DOCK4: variants seen among roughly 807,000 people sequenced by gnomAD.
The protein encoded by DOCK4 is dedicator of cytokinesis protein 4.
A neutral mutation model predicts 268.1 loss-of-function variants in DOCK4; 97 were observed. That is an observed-to-expected ratio of 0.36 (90% CI 0.31 to 0.43). DOCK4 has a LOEUF of 0.43. DOCK4 is among the 20% of genes least tolerant of loss of function. The probability of loss-of-function intolerance (pLI) is 1.00; values close to 1 mark genes in which losing one functional copy is unlikely to be tolerated. For synonymous variants in DOCK4, 954 were observed against 887.2 expected (o/e 1.08, Z -1.34); for missense variants, 2,145 against 2,455.7 (o/e 0.87, Z 2.67).
At chr7:112,077,574 A>G (rs1808187702) in intron 1 of DOCK4, among the ~76,000 whole-genome samples, 1 of 152,158 alleles carries the variant, frequency 6.6e-6, no homozygotes, top group Non-Finnish European at 1.5e-5. Context: ...ACGCATTCCA[A>G]AGTGAGTTGT....
intron 1 of DOCK4, among the ~76,000 whole-genome samples, chr7:112,121,125 C>A (rs28687319): frequency 0.028 from 4,336 of 152,244 alleles, 162 homozygotes; most frequent in East Asian, 0.2. Context: ...TATGTTATAT[C>A]CTCATGATAA....
At chr7:111,829,430 G>T (rs1292134284) in intron 26 of DOCK4, among the ~76,000 whole-genome samples, 1 of 152,156 alleles carries the variant, frequency 6.6e-6, no homozygotes, top group Non-Finnish European at 1.5e-5. Context: ...GGCAGGGAGA[G>T]GATGAAATGT....
At chr7:111,888,969 C>T (rs1309104580) in intron 16 of DOCK4, among the ~76,000 whole-genome samples, 1 of 151,928 alleles carries the variant, frequency 6.6e-6, no homozygotes, top group Non-Finnish European at 1.5e-5. Context: ...TACAGGAAGC[C>T]CTCTCAGCAG....
At chr7:112,162,721 T>C (rs1421040367) in intron 1 of DOCK4, among the ~76,000 whole-genome samples, 1 of 152,180 alleles carries the variant, frequency 6.6e-6, no homozygotes, top group Non-Finnish European at 1.5e-5. Flanking sequence ...TCACACAATG[T>C]ACAAAGTTCA....
intron 12 of DOCK4, among the ~76,000 whole-genome samples, chr7:111,933,313 T>TTTG (rs1562905619): frequency 4.3e-5 from 6 of 139,778 alleles, no homozygotes; most frequent in Admixed American, 2.9e-4. Flanking sequence ...TTTTTTTTTT[T>TTTG]GAGATGGAGT....
At chr7:112,175,815 C>A (rs1034089232) in intron 1 of DOCK4, among the ~76,000 whole-genome samples, 1 of 128,336 alleles carries the variant, frequency 7.8e-6, no homozygotes, top group Non-Finnish European at 1.5e-5. Flanking sequence ...TGCCCCCATC[C>A]CCTTTTTAAT....
intron 35 of DOCK4, 65 bp downstream of exon 35, chr7:111,782,799 A>T (rs1189944594): frequency 1.4e-5 from 20 of 1,471,150 alleles, no homozygotes; most frequent in Non-Finnish European, 1.8e-5. Flanking sequence ...AACAAAACAT[A>T]GTATTTCTGG....
chr7:111,986,193 G>A (rs1449774097), intron 6 of DOCK4, among the ~76,000 whole-genome samples: 1 of 152,148 alleles, frequency 6.6e-6, no homozygotes, highest in Non-Finnish European at 1.5e-5. Context: ...TTAGACATTG[G>A]CTGTCAATAA....
chr7:111,974,672 A>G (rs1216910047), intron 8 of DOCK4, among the ~76,000 whole-genome samples: 1 of 151,862 alleles, frequency 6.6e-6, no homozygotes, highest in Non-Finnish European at 1.5e-5. Flanking sequence ...GTAGGCAGGC[A>G]TGGCAGCCCA....
rs543634031 is a variant in DOCK4 at position 111,952,445 on chromosome 7, G to A, written c.702-6647C>T. 4.2e-4 allele frequency among the ~76,000 whole-genome samples: 64 copies of A among 152,106 alleles called. 1 individual carries two copies. Among genetic ancestry groups the A allele is most frequent in the African/African-American group, 1.4e-3 (60 of 41,470 alleles). On this transcript the variant is annotated intron_variant, in intron 8 of 52. Transcript: ENST00000428084. ...TAGAAGTAACCCTTCAGTTGGGAAG[G>A]CCAATATCAAAAATTTTGACATTTT...
At chr7:112,035,014 C>G (rs573365401) in intron 1 of DOCK4, among the ~76,000 whole-genome samples, 2 of 152,158 alleles carry the variant, frequency 1.3e-5, no homozygotes, top group Non-Finnish European at 2.9e-5. Flanking sequence ...ACTTTGCATG[C>G]TTCATCTAGG....
At chr7:111,848,871 G>A (rs1351790745) in intron 23 of DOCK4, among the ~76,000 whole-genome samples, 2 of 152,190 alleles carry the variant, frequency 1.3e-5, no homozygotes, top group Non-Finnish European at 2.9e-5. Flanking sequence ...TAGATGGAAA[G>A]GTAAAGTGCT....
At chr7:111,826,559 A>G (rs182982885) in intron 26 of DOCK4, among the ~76,000 whole-genome samples, 186 of 152,342 alleles carry the variant, frequency 1.2e-3, no homozygotes, top group Non-Finnish European at 2.3e-3. Context: ...CCACAAAAAA[A>G]GAACAAAATC....
intron 1 of DOCK4, among the ~76,000 whole-genome samples, chr7:112,048,853 G>C (rs1326131212): frequency 6.6e-6 from 1 of 151,938 alleles, no homozygotes; most frequent in African/African-American, 2.4e-5. Context: ...GTGCCATGGT[G>C]GTTTGCTGCA....
intron 37 of DOCK4, among the ~76,000 whole-genome samples, 189 bp downstream of exon 37, chr7:111,769,340 T>C (rs1797968533): frequency 6.6e-6 from 1 of 152,114 alleles, no homozygotes; most frequent in South Asian, 2.1e-4. Flanking sequence ...AGAATCAAAA[T>C]GAATCAGAAT....
At chr7:111,927,874 A>T (rs1793858693) in intron 12 of DOCK4, among the ~76,000 whole-genome samples, 1 of 152,186 alleles carries the variant, frequency 6.6e-6, no homozygotes, top group African/African-American at 2.4e-5. Context: ...TGAGCAGGTC[A>T]TAAGAAGTGC....
intron 6 of DOCK4, among the ~76,000 whole-genome samples, chr7:111,987,053 G>A (rs192623778): frequency 6.6e-6 from 1 of 152,166 alleles, no homozygotes; most frequent in Non-Finnish European, 1.5e-5. Flanking sequence ...CATAATCTCT[G>A]TACTGTAAGT....
chr7:112,159,238 T>C (rs978220480), intron 1 of DOCK4, among the ~76,000 whole-genome samples: 1 of 152,076 alleles, frequency 6.6e-6, no homozygotes, highest in African/African-American at 2.4e-5. Context: ...TGGCGCTGCC[T>C]TTCTTCCCTT....
intron 25 of DOCK4, among the ~76,000 whole-genome samples, chr7:111,837,942 C>A (rs1354696201): frequency 6.6e-6 from 1 of 151,550 alleles, no homozygotes; most frequent in Non-Finnish European, 1.5e-5. Flanking sequence ...CAAAATTAGC[C>A]GGGTGTAGTG....
Sources: gnomAD v4.1 joint callset for allele counts (sites outside exome capture counted in the v4.1 genomes callset) on GRCh38, gnomAD v4.1.1 for gene constraint, MANE v1.5 for transcripts, NCBI Gene and HGNC (gene_info 2026-07-23, HGNC 2026-07-21) for gene names.